FOCAD: variants seen among roughly 807,000 people sequenced by gnomAD.
FOCAD encodes focadhesin.
A neutral mutation model predicts 225.6 loss-of-function variants in FOCAD; 198 were observed. That is an observed-to-expected ratio of 0.88 (90% CI 0.78 to 0.99). The LOEUF (loss-of-function observed/expected upper bound fraction) is 0.99. Ranked by LOEUF, FOCAD falls within the 50% of genes least tolerant of loss-of-function variation. The pLI is 0.00. For missense variants in FOCAD, 2,713 were observed against 2,123.6 expected (o/e 1.28, Z -5.46); for synonymous variants, 897 against 755.0 (o/e 1.19, Z -3.08).
At chr9:20,808,567 C>T (rs1822710241) in intron 11 of FOCAD, among the ~76,000 whole-genome samples, 1 of 152,064 alleles carries the variant, frequency 6.6e-6, no homozygotes, top group Non-Finnish European at 1.5e-5. Context: ...TTCTGTGTGT[C>T]AATAGTTGAA....
chr9:20,941,252 A>C (rs1038012065), intron 28 of FOCAD, among the ~76,000 whole-genome samples: 1 of 152,194 alleles, frequency 6.6e-6, no homozygotes, highest in Non-Finnish European at 1.5e-5. Context: ...TGAGCCTATC[A>C]CTAAGATTTT....
intron 11 of FOCAD, among the ~76,000 whole-genome samples, chr9:20,800,573 C>A (rs1350037393): frequency 6.6e-6 from 1 of 152,060 alleles, no homozygotes; most frequent in African/African-American, 2.4e-5. Context: ...CTCTAAATTT[C>A]TCTTCTCGCT....
chr9:20,962,496 A>T (rs957188963), intron 35 of FOCAD, among the ~76,000 whole-genome samples: 8 of 152,056 alleles, frequency 5.3e-5, no homozygotes, highest in Non-Finnish European at 1.2e-4. Flanking sequence ...AGCAGCATTT[A>T]GCTGGAGAAA....
chr9:20,820,934 T>G lies in FOCAD; in HGVS notation c.1663-7T>G. 1 of 1,606,342 alleles carries G rather than the reference T, an allele frequency of 6.2e-7. No homozygotes were observed. On this transcript the variant is annotated splice_polypyrimidine_tract_variant and splice_region_variant and intron_variant, in intron 13 of 43. Transcript: ENST00000338382. ...AAACTACCTTTTTTGTAAAATTGCCTTCGTAGGACCGAGTCTATCCTGAAC... is the reference window on the plus strand; with the variant it reads ...AAACTACCTTTTTTGTAAAATTGCCGTCGTAGGACCGAGTCTATCCTGAAC...
At chr9:20,777,304 G>GTTTTTTTTTTTTTTTTTTTGTT (rs1818858027) in intron 8 of FOCAD, among the ~76,000 whole-genome samples, 1 of 110,866 alleles carries the variant, frequency 9.0e-6, no homozygotes, top group Non-Finnish European at 1.8e-5. Flanking sequence ...TTTCCTGTGG[G>GTTTTTTTTTTTTTTTTTTTGTT]TTTTTTTTTT....
intron 11 of FOCAD, among the ~76,000 whole-genome samples, chr9:20,792,512 G>A (rs1177728467): frequency 6.6e-6 from 1 of 152,298 alleles, no homozygotes; most frequent in African/African-American, 2.4e-5. Flanking sequence ...GCAAAACTCA[G>A]TGCCTCTTTC....
At chr9:20,822,909 C>A in intron 14 of FOCAD, 80 bp from the exon 15 acceptor site, 1 of 1,364,848 alleles carries the variant, frequency 7.3e-7, no homozygotes. Context: ...ATGATGGATG[C>A]TTTTTGTTTA....
chr9:20,884,854 G>A (rs145385149), intron 20 of FOCAD, among the ~76,000 whole-genome samples: 12 of 151,958 alleles, frequency 7.9e-5, no homozygotes, highest in African/African-American at 2.4e-4. Flanking sequence ...GAGGTCAGCA[G>A]TTAGAGACCA....
chr9:20,689,702 G>C (rs992916267), intron 1 of FOCAD, among the ~76,000 whole-genome samples: 1 of 152,200 alleles, frequency 6.6e-6, no homozygotes, highest in Non-Finnish European at 1.5e-5. Context: ...AGACAGGTTA[G>C]AAAGAGCTTA....
At chr9:20,899,826 C>CT (rs1491273902) in intron 21 of FOCAD, among the ~76,000 whole-genome samples, 2 of 151,580 alleles carry the variant, frequency 1.3e-5, no homozygotes, top group East Asian at 3.9e-4. Context: ...AAATTCTCCC[C>CT]TGTTACTTTT....
At chr9:20,732,631 G>A (rs958186716) in intron 4 of FOCAD, among the ~76,000 whole-genome samples, 1 of 152,114 alleles carries the variant, frequency 6.6e-6, no homozygotes, top group African/African-American at 2.4e-5. Context: ...TCCACAAAAG[G>A]CCATTTGGAA....
chr9:20,921,084 G>T lies in FOCAD; in HGVS notation c.2853-2576G>T, dbSNP rs1834381156. On this transcript the variant is annotated intron_variant, in intron 24 of 43. Transcript: ENST00000338382. The stretch of plus-strand genomic sequence containing the variant: ...AAAAAAATAAAAAAGAACATTTAAA[G>T]CTTCAGGGATAGGGGTAAGGGAGAG... Among the ~76,000 whole-genome samples, 3 of 151,890 alleles carry T rather than the reference G, an allele frequency of 2.0e-5. No individual in the cohort carries two copies. The South Asian group carries it at 6.2e-4, about 31-fold the overall frequency.
At chr9:20,938,052 A>G (rs1262078238) in intron 28 of FOCAD, among the ~76,000 whole-genome samples, 4 of 152,042 alleles carry the variant, frequency 2.6e-5, no homozygotes, top group East Asian at 1.9e-4. Context: ...ACCAGTTAGA[A>G]TGGCAATCAT....
At chr9:20,990,607 G>A (rs1370881443) in intron 42 of FOCAD, among the ~76,000 whole-genome samples, 3 of 152,164 alleles carry the variant, frequency 2.0e-5, no homozygotes, top group Non-Finnish European at 4.4e-5. Context: ...GGAGTGAGGT[G>A]GAGGAAAAGT....
At chr9:20,727,426 C>T (rs1356471697) in intron 4 of FOCAD, among the ~76,000 whole-genome samples, 1 of 152,132 alleles carries the variant, frequency 6.6e-6, no homozygotes, top group Admixed American at 6.6e-5. Flanking sequence ...TGGAAAAATG[C>T]TTCAGAAGAA....
At chr9:20,805,186 T>G (rs1822289207) in intron 11 of FOCAD, among the ~76,000 whole-genome samples, 1 of 152,238 alleles carries the variant, frequency 6.6e-6, no homozygotes, top group Non-Finnish European at 1.5e-5. Flanking sequence ...TTTAAGGGTC[T>G]TTGAATGCAT....
At chr9:20,843,730 C>T (rs1472953096) in intron 15 of FOCAD, among the ~76,000 whole-genome samples, 1 of 151,964 alleles carries the variant, frequency 6.6e-6, no homozygotes, top group Non-Finnish European at 1.5e-5. Flanking sequence ...TAGGATTTTC[C>T]TTAGATTTTC....
chr9:20,945,373 G>C (rs6475491), intron 29 of FOCAD, among the ~76,000 whole-genome samples: 1 of 151,978 alleles, frequency 6.6e-6, no homozygotes, highest in Non-Finnish European at 1.5e-5. Flanking sequence ...TGGACCGCTT[G>C]TACTCTTCTT....
intron 9 of FOCAD, among the ~76,000 whole-genome samples, chr9:20,781,523 A>G (rs952557163): frequency 3.9e-5 from 6 of 152,182 alleles, no homozygotes; most frequent in East Asian, 1.9e-4. Flanking sequence ...TTTCAGTTAT[A>G]TATGTTAACA....
Sources: gnomAD v4.1 joint callset for allele counts (sites outside exome capture counted in the v4.1 genomes callset) on GRCh38, gnomAD v4.1.1 for gene constraint, MANE v1.5 for transcripts, NCBI Gene and HGNC (gene_info 2026-07-23, HGNC 2026-07-21) for gene names.